HMGCLL1: variants seen among roughly 807,000 people sequenced by gnomAD.
HMGCLL1 encodes the protein 3-hydroxymethyl-3-methylglutaryl-CoA lyase, cytoplasmic.
A neutral mutation model predicts 39.1 loss-of-function variants in HMGCLL1; 36 were observed. That is an observed-to-expected ratio of 0.92 (90% CI 0.71 to 1.22). The LOEUF is 1.22. Ranked by LOEUF, HMGCLL1 falls within the 50% of genes most tolerant of loss-of-function variation. HMGCLL1 has a pLI of 0.00. For missense variants in HMGCLL1, 451 were observed against 416.5 expected (o/e 1.08, Z -0.72); for synonymous variants, 149 against 144.0 (o/e 1.03, Z -0.25).
the HMGCLL1 span, among the ~76,000 whole-genome samples, chr6:55,641,702 CT>C: frequency 6.6e-6 from 1 of 151,698 alleles, no homozygotes; most frequent in African/African-American, 2.4e-5. Flanking sequence ...AATACGTATT[CT>C]ATAACTAGAA....
chr6:55,573,922 C>A (rs1771639622), intron 1 of HMGCLL1, among the ~76,000 whole-genome samples: 1 of 151,854 alleles, frequency 6.6e-6, no homozygotes, highest in Non-Finnish European at 1.5e-5. Flanking sequence ...AAACCAAATA[C>A]AAAGATAAAA....
intron 7 of HMGCLL1, among the ~76,000 whole-genome samples, chr6:55,469,449 A>AT (rs1192462255): frequency 1.4e-5 from 2 of 141,990 alleles, no homozygotes; most frequent in Non-Finnish European, 3.0e-5. Flanking sequence ...ATACATATAT[A>AT]TGTATATATG....
chr6:55,609,371 C>A, the HMGCLL1 span, among the ~76,000 whole-genome samples: 1 of 152,124 alleles, frequency 6.6e-6, no homozygotes, highest in Non-Finnish European at 1.5e-5. Flanking sequence ...ATAGCTTGGT[C>A]CAAAGAGGTA....
At chr6:55,589,655 A>G in the HMGCLL1 span, among the ~76,000 whole-genome samples, 1 of 152,128 alleles carries the variant, frequency 6.6e-6, no homozygotes, top group South Asian at 2.1e-4. Flanking sequence ...AGAAAACCCC[A>G]TTGTCTCAGC....
the HMGCLL1 span, among the ~76,000 whole-genome samples, chr6:55,626,091 C>A: frequency 6.6e-6 from 1 of 152,118 alleles, no homozygotes; most frequent in Non-Finnish European, 1.5e-5. Context: ...CAGCAGAGAC[C>A]AACACTGAGC....
chr6:55,661,084 T>G, the HMGCLL1 span, among the ~76,000 whole-genome samples: 1 of 152,044 alleles, frequency 6.6e-6, no homozygotes, highest in Non-Finnish European at 1.5e-5. Flanking sequence ...CTTGTATATT[T>G]GTTTAAGTTC....
At chr6:55,629,606 C>T in the HMGCLL1 span, among the ~76,000 whole-genome samples, 1 of 152,162 alleles carries the variant, frequency 6.6e-6, no homozygotes, top group Non-Finnish European at 1.5e-5. Context: ...CAGAGGTCTT[C>T]ACAGCAGACC....
the HMGCLL1 span, among the ~76,000 whole-genome samples, chr6:55,673,632 A>C: frequency 6.6e-6 from 1 of 152,110 alleles, no homozygotes; most frequent in Non-Finnish European, 1.5e-5. Flanking sequence ...TGCTAAGATT[A>C]ATAATTTGCT....
intron 5 of HMGCLL1, among the ~76,000 whole-genome samples, chr6:55,511,797 A>C (rs967455481): frequency 1.3e-5 from 2 of 152,100 alleles, no homozygotes; most frequent in African/African-American, 4.8e-5. Flanking sequence ...GATATTTTCA[A>C]CTACACAAAT....
intron 1 of HMGCLL1, 23 bp from the exon 2 acceptor site, chr6:55,542,163 A>G (rs1351373244): frequency 1.3e-6 from 2 of 1,499,284 alleles, no homozygotes; most frequent in African/African-American, 2.8e-5. Context: ...ATGTAAGAAC[A>G]AGATAACGTA....
At chr6:55,480,377 A>G (rs1765677432) in intron 7 of HMGCLL1, among the ~76,000 whole-genome samples, 1 of 151,750 alleles carries the variant, frequency 6.6e-6, no homozygotes, top group Admixed American at 6.6e-5. Context: ...AAAGGTTCTC[A>G]ACATAACTGA....
At chr6:55,466,180 T>G (rs1176552138) in intron 7 of HMGCLL1, among the ~76,000 whole-genome samples, 1 of 152,074 alleles carries the variant, frequency 6.6e-6, no homozygotes, top group African/African-American at 2.4e-5. Flanking sequence ...AGATTATGCC[T>G]GATGGACTTA....
chr6:55,452,981 G>T (rs1208423567), intron 7 of HMGCLL1, among the ~76,000 whole-genome samples: 4 of 152,174 alleles, frequency 2.6e-5, no homozygotes, highest in Non-Finnish European at 4.4e-5. Flanking sequence ...GAGCAAGGAA[G>T]GGGTGGAGGA....
At chr6:55,498,805 A>C (rs57615670) in intron 6 of HMGCLL1, among the ~76,000 whole-genome samples, 4,415 of 152,146 alleles carry the variant, frequency 0.029, 215 homozygotes, top group African/African-American at 0.1. Flanking sequence ...AAGGACAAGA[A>C]CACAAAAGTA....
chr6:55,667,385 C>T, the HMGCLL1 span, among the ~76,000 whole-genome samples: 1 of 151,714 alleles, frequency 6.6e-6, no homozygotes, highest in Non-Finnish European at 1.5e-5. Flanking sequence ...TTACATTTAC[C>T]TCATTTAATC....
chr6:55,590,806 A>T, the HMGCLL1 span, among the ~76,000 whole-genome samples: 1 of 152,000 alleles, frequency 6.6e-6, no homozygotes, highest in African/African-American at 2.4e-5. Context: ...ATTCAGCTTT[A>T]GATGTCTTAA....
At chr6:55,656,892 A>G in the HMGCLL1 span, among the ~76,000 whole-genome samples, 1 of 151,942 alleles carries the variant, frequency 6.6e-6, no homozygotes, top group African/African-American at 2.4e-5. Flanking sequence ...AATCTGGGTA[A>G]AGAAAAATGG....
chr6:55,542,846 T>A (rs1444919091), intron 1 of HMGCLL1, among the ~76,000 whole-genome samples: 1 of 139,356 alleles, frequency 7.2e-6, no homozygotes, highest in Non-Finnish European at 1.5e-5. Flanking sequence ...GTATTATATA[T>A]AAATATATAT....
chr6:55,543,229 A>ATATATAG lies in HMGCLL1; in HGVS notation c.109-1090_109-1089insCTATATA, dbSNP rs1769641924. Among the ~76,000 whole-genome samples the ATATATAG allele has an allele frequency of 3.4e-4, 4 of 11,912 alleles. 1 individual carries two copies. Among genetic ancestry groups the ATATATAG allele is most frequent in the African/African-American group, 8.2e-4 (4 of 4,896 alleles). 7.8% of individuals were successfully genotyped at this position (11,912 alleles called of 152,430 possible). A position where few individuals can be genotyped will look rare whatever the true frequency, so the allele number is the denominator to read the frequency against. The stretch of plus-strand genomic sequence containing the variant: ...TATATTATATATTATATAATATATA[A>ATATATAG]TATAGATATAATATAGATATATAAT... On this transcript the variant is annotated intron_variant, in intron 1 of 8. Transcript: ENST00000274901.
Sources: allele counts gnomAD v4.1 joint callset (sites outside exome capture counted in the v4.1 genomes callset), GRCh38; gene constraint gnomAD v4.1.1; transcripts MANE v1.5; gene names NCBI Gene and HGNC (gene_info 2026-07-23, HGNC 2026-07-21).